PNPLA7: variants seen among roughly 807,000 people sequenced by gnomAD.
The protein encoded by PNPLA7 is patatin like domain 7, lysophospholipase.
A neutral mutation model predicts 161.7 loss-of-function variants in PNPLA7; 153 were observed. The ratio of observed to expected loss-of-function variants is 0.95; its 90% CI spans 0.83 to 1.08. The LOEUF is 1.08. PNPLA7 is among the 50% of genes least tolerant of loss of function. The pLI is 0.00. For synonymous variants in PNPLA7, 809 were observed against 782.1 expected (o/e 1.03, Z -0.57); for missense variants, 1,739 against 1,856.6 (o/e 0.94, Z 1.16).
rs1347593495 is a variant in PNPLA7 at position 137,519,899 on chromosome 9, C to G, written c.1084+18G>C. On this transcript the variant is annotated intron_variant, in intron 11 of 34. Coordinates refer to ENST00000406427, the MANE Select transcript of PNPLA7 (RefSeq NM_001098537.3). ...GACTCTGGGGCTGGACATTGCCCTC[C>G]TTGGTGCAGGACAGTACCTGAGTCA... The G allele has an allele frequency of 1.9e-6, 3 of 1,603,632 alleles. No individual in the cohort carries two copies. The South Asian group carries it at 3.3e-5, about 18-fold the overall frequency.
At position 137,497,994 on chromosome 9, in the gene PNPLA7, ATGTGTGGTTTCCACAGTAACTTCCG is replaced by A. The variant is rs1321538811; in HGVS notation, c.1889+95_1889+119del. ...TGGGGCTGGGGAAATCCAGCCTTCC[ATGTGTGGTTTCCACAGTAACTTCCG>A]TGTGTGGTTTCCACGGTAACCGTGC... On this transcript the variant is annotated intron_variant, in intron 17 of 34. Coordinates refer to ENST00000406427, the MANE Select transcript of PNPLA7 (RefSeq NM_001098537.3). 10 of 1,467,428 alleles carry A rather than the reference ATGTGTGGTTTCCACAGTAACTTCCG, an allele frequency of 6.8e-6. No homozygotes were observed. The East Asian group carries it at 1.1e-4, about 17-fold the overall frequency. The allele number at this position is 1,467,428 out of a possible 1,614,324, so 90.9% of individuals were successfully genotyped here. A position where few individuals can be genotyped will look rare whatever the true frequency, so the allele number is the denominator to read the frequency against.
At chr9:137,518,838 A>G (rs377681219) in intron 11 of PNPLA7, among the ~76,000 whole-genome samples, 27 of 41,674 alleles carry the variant, frequency 6.5e-4, no homozygotes, top group Admixed American at 1.6e-3. Context: ...ACTCCACTCT[A>G]CTCACTCCAT....
In PNPLA7 at chr9:137,499,518, C is replaced by G. The variant is rs948305326; in HGVS notation, c.1757+1173G>C. On this transcript the variant is annotated intron_variant, in intron 16 of 34. Transcript: ENST00000406427. The surrounding 1 kb of genome is among the most constrained non-coding windows in gnomAD (Gnocchi z 5.5). ...GCTCAGGAGGGAGATGGGTCCAGCT[C>G]CACCCAGGGTCCCCTGCTGGTGGAG... 1.3e-5 allele frequency among the ~76,000 whole-genome samples: 2 copies of G among 152,224 alleles called. No homozygotes were observed. The highest frequency in any genetic ancestry group is 4.8e-5 in the African/African-American group (2 of 41,462).
At chr9:137,463,650 C>T in intron 28 of PNPLA7, 119 bp from the exon 29 acceptor site, 1 of 704,454 alleles carries the variant, frequency 1.4e-6, no homozygotes. Context: ...AGGCCGCCTC[C>T]ACAGAGGGAA....
At chr9:137,498,946 A>C (rs1012282702) in intron 16 of PNPLA7, among the ~76,000 whole-genome samples, 4 of 152,140 alleles carry the variant, frequency 2.6e-5, no homozygotes, top group Non-Finnish European at 5.9e-5. Flanking sequence ...ACGTGGAATC[A>C]GGATCTGCTT....
intron 20 of PNPLA7, among the ~76,000 whole-genome samples, chr9:137,491,005 T>C (rs1040782857): frequency 6.6e-6 from 1 of 152,250 alleles, no homozygotes; most frequent in Non-Finnish European, 1.5e-5. Flanking sequence ...ACGTCATCGC[T>C]AGAGTAACCA....
In PNPLA7 at chr9:137,460,046, G is replaced by C; in HGVS notation, c.*347C>G. 3.7e-6 allele frequency: 1 copy of C among 273,284 alleles called. No individual in the cohort carries two copies. Among genetic ancestry groups the C allele is most frequent in the South Asian group, 3.8e-5 (1 of 26,374 alleles). 16.9% of individuals were successfully genotyped at this position (273,284 alleles called of 1,614,324 possible). The stretch of plus-strand genomic sequence containing the variant: ...CAGGCAGTTCACAGGACAGCAGGCA[G>C]TTCACAGGGCTTTGGGGGCCTCACA... On this transcript the variant is annotated 3_prime_UTR_variant, in exon 35 of 35. Transcript: ENST00000406427.
Position 137,543,351 on chromosome 9 carries a change from G to A in PNPLA7, c.506+81C>T. The A allele has an allele frequency of 6.4e-7, 1 of 1,570,928 alleles. No individual in the cohort carries two copies. Among genetic ancestry groups the A allele is most frequent in the Non-Finnish European group, 8.7e-7 (1 of 1,147,288 alleles). ...CCAACCATTCCCCCAACACAAGACGGCCAAGCTGGAGCCAGGCCCCAGCGA... is the reference window on the plus strand; with the variant it reads ...CCAACCATTCCCCCAACACAAGACGACCAAGCTGGAGCCAGGCCCCAGCGA... On this transcript the variant is annotated intron_variant, in intron 6 of 34. Coordinates refer to ENST00000406427, the MANE Select transcript of PNPLA7 (RefSeq NM_001098537.3). The surrounding 1 kb of genome is among the most constrained non-coding windows in gnomAD (Gnocchi z 6.9).
rs371213310 is a variant in PNPLA7, at chr9:137,499,780, G to T, written c.1757+911C>A. 1.3e-5 allele frequency among the ~76,000 whole-genome samples: 2 copies of T among 152,234 alleles called. No homozygotes were observed. The highest frequency in any genetic ancestry group is 2.9e-5 in the Non-Finnish European group (2 of 68,030). On this transcript the variant is annotated intron_variant, in intron 16 of 34. Coordinates refer to ENST00000406427, the MANE Select transcript of PNPLA7 (RefSeq NM_001098537.3). This position sits in a 1 kb window ranked among gnomAD's most constrained non-coding sequence, Gnocchi z 5.5. Reference sequence around the variant, plus strand: ...ATTTGCTGGATTACAGGCGTGAGCCGCTGCACCCAGCCGACCTGTTTTCTT... The same window carrying T: ...ATTTGCTGGATTACAGGCGTGAGCCTCTGCACCCAGCCGACCTGTTTTCTT...
In PNPLA7 at chr9:137,478,152, C is replaced by T; in HGVS notation, c.2764G>A (p.Val922Met). 1.6e-6 allele frequency: 2 copies of T among 1,290,100 alleles called. No homozygotes were observed. Among genetic ancestry groups the T allele is most frequent in the South Asian group, 2.6e-5 (1 of 38,314 alleles). 79.9% of individuals were successfully genotyped at this position (1,290,100 alleles called of 1,614,324 possible). ...VFSRRSLPKL[V>M]EMYKHVFQRP... is the part of the protein sequence containing the mutation. ...TGGAAGACATGCTTGTACATCTCCA[C>T]CTGGGGGAGGAGCCGTCAGGCAGGG... Residue 922 changes from valine (V) to methionine (M), a missense_variant and splice_region_variant, in exon 25 of 35, where the codon GTG becomes ATG. By Grantham distance (21) the Val-to-Met change is conservative (BLOSUM62 1). This residue lies in a region of PNPLA7 where 703 missense variants were observed against 694.6 expected (regional missense o/e 1.01). Coordinates refer to ENST00000406427, the MANE Select transcript of PNPLA7 (RefSeq NM_001098537.3).
At position 137,483,169 on chromosome 9, in the gene PNPLA7, G is replaced by C. The variant is rs1216395386; in HGVS notation, c.2347+1418C>G. ...TTACAGGCGTGAGCCACCACGCCTG[G>C]CTTAAAAAGTGTTTTTTAAAGGGAA... On this transcript the variant is annotated intron_variant, in intron 21 of 34. Coordinates refer to ENST00000406427, the MANE Select transcript of PNPLA7 (RefSeq NM_001098537.3). Among the ~76,000 whole-genome samples the C allele has an allele frequency of 3.9e-5, 6 of 152,130 alleles. No individual in the cohort carries two copies. In the East Asian group the frequency reaches 1.2e-3, roughly 29 times the overall value.
chr9:137,461,628 T>C lies in PNPLA7; in HGVS notation c.3757-8A>G. 6.2e-7 allele frequency: 1 copy of C among 1,606,962 alleles called. No homozygotes were observed. On this transcript the variant is annotated splice_region_variant and splice_polypyrimidine_tract_variant and intron_variant, in intron 32 of 34. Coordinates refer to ENST00000406427, the MANE Select transcript of PNPLA7 (RefSeq NM_001098537.3). ...GTTGGGACAGGTGAGGACCTAGGGG[T>C]GGGGTGAGGACAGCACGTTGCCTGT...
rs1277225412 is a variant in PNPLA7 at position 137,463,489 on chromosome 9, C to T, written c.3269G>A (p.Gly1090Asp). 1.3e-6 allele frequency: 2 copies of T among 1,591,010 alleles called. No homozygotes were observed. Among genetic ancestry groups the T allele is most frequent in the African/African-American group, 1.3e-5 (1 of 74,590 alleles). The change falls in exon 29 of 35, where the codon GGT (glycine) becomes GAT (aspartate). Residue 1090 changes from glycine to aspartate, a missense_variant. By Grantham distance (94) the Gly-to-Asp change is moderately conservative. Transcript: ENST00000406427. ...CGGGTCACAGAGAGGGGGCATGTAA[C>T]CGGACAGGGACATGCTGGCACGCAC... ...WYVRASMSLS[G>D]YMPPLCDPKD... is the part of the protein sequence containing the mutation.
rs59638321 is a variant in PNPLA7 at position 137,460,176 on chromosome 9, A to G, written c.*217T>C. ...AGCTTCAGGGGCCTCACAGAGCTTC[A>G]GGGGCCTCACAGGACTGCAGGGGGG... On this transcript the variant is annotated 3_prime_UTR_variant, in exon 35 of 35. Coordinates refer to ENST00000406427, the MANE Select transcript of PNPLA7 (RefSeq NM_001098537.3). 2.0e-6 allele frequency: 1 copy of G among 494,456 alleles called. No individual in the cohort carries two copies. Among genetic ancestry groups the G allele is most frequent in the Non-Finnish European group, 3.7e-6 (1 of 273,198 alleles). The allele number at this position is 494,456 out of a possible 1,614,324, so 30.6% of individuals were successfully genotyped here. A position where few individuals can be genotyped will look rare whatever the true frequency, so the allele number is the denominator to read the frequency against.
In PNPLA7 at chr9:137,498,248, G is replaced by T. The variant is rs762385570; in HGVS notation, c.1758-3C>A. Reference sequence around the variant, plus strand: ...CGGTCGGCTGCTTCCGCATGATTCTGCCGGGCAGCCCAGAGTCAATCCTGC... The same window carrying T: ...CGGTCGGCTGCTTCCGCATGATTCTTCCGGGCAGCCCAGAGTCAATCCTGC... On this transcript the variant is annotated splice_region_variant and splice_polypyrimidine_tract_variant and intron_variant, in intron 16 of 34. Coordinates refer to ENST00000406427, the MANE Select transcript of PNPLA7 (RefSeq NM_001098537.3). The T allele has an allele frequency of 6.2e-7, 1 of 1,609,922 alleles. No individual in the cohort carries two copies.
At position 137,500,610 on chromosome 9, in the gene PNPLA7, G is replaced by T; in HGVS notation, c.1757+81C>A. 1.5e-6 allele frequency: 2 copies of T among 1,333,570 alleles called. No homozygotes were observed. Among genetic ancestry groups the T allele is most frequent in the Non-Finnish European group, 1.0e-6 (1 of 954,648 alleles). 82.6% of individuals were successfully genotyped at this position (1,333,570 alleles called of 1,614,324 possible). A position where few individuals can be genotyped will look rare whatever the true frequency, so the allele number is the denominator to read the frequency against. On this transcript the variant is annotated intron_variant, in intron 16 of 34. Transcript: ENST00000406427. This position sits in a 1 kb window ranked among gnomAD's most constrained non-coding sequence, Gnocchi z 5.5. ...GCAGGGAAGAGGGTGAGAGCACCAGGAAGAGGCCGGCCACGCGGGGAGGGG... is the reference window on the plus strand; with the variant it reads ...GCAGGGAAGAGGGTGAGAGCACCAGTAAGAGGCCGGCCACGCGGGGAGGGG...
intron 19 of PNPLA7, among the ~76,000 whole-genome samples, chr9:137,494,357 A>T (rs1202732099): frequency 6.6e-6 from 1 of 151,766 alleles, no homozygotes; most frequent in Non-Finnish European, 1.5e-5. Context: ...CAGCTGCACG[A>T]CTGTCCTGGG....
chr9:137,472,650 C>CAAAA (rs71387839), intron 25 of PNPLA7, among the ~76,000 whole-genome samples: 6 of 82,334 alleles, frequency 7.3e-5, no homozygotes, highest in African/African-American at 2.6e-4. Flanking sequence ...GACTCCATCT[C>CAAAA]AAAAAAAAAA....
At chr9:137,498,001 G>T in intron 17 of PNPLA7, 113 bp downstream of exon 17, 1 of 1,492,270 alleles carries the variant, frequency 6.7e-7, no homozygotes, top group Middle Eastern at 1.9e-4. Flanking sequence ...TCCATGTGTG[G>T]TTTCCACAGT....
Sources: allele counts gnomAD v4.1 joint callset (sites outside exome capture counted in the v4.1 genomes callset), GRCh38; gene constraint gnomAD v4.1.1; regional missense constraint gnomAD v4.1.1; non-coding constraint Gnocchi (gnomAD v3.1); transcripts MANE v1.5; gene names NCBI Gene and HGNC (gene_info 2026-07-23, HGNC 2026-07-21).